Variants in COX18 observed in about 807,000 individuals in gnomAD.
COX18 encodes the protein cytochrome c oxidase assembly protein COX18, mitochondrial.
Under a neutral mutation model 38.0 loss-of-function variants are expected in COX18, and 45 were observed. The observed-to-expected ratio is 1.18, with a 90% CI of 0.93 to 1.52. The LOEUF (loss-of-function observed/expected upper bound fraction) is 1.52. COX18 is among the 40% of genes most tolerant of loss of function. The pLI is 0.00. For missense variants in COX18, 462 were observed against 423.8 expected (o/e 1.09, Z -0.79); for synonymous variants, 177 against 169.8 (o/e 1.04, Z -0.33).
rs1276425684 is a variant in COX18 at position 73,054,233 on chromosome 4, C to A, written c.*3881G>T. ...GCAAGACATCAAGGGGTCTTAAGAG[C>A]ATGCATATTCCCTGTTCTGTAGCCC... is the stretch of plus-strand genomic sequence containing the variant. On this transcript the variant is annotated 3_prime_UTR_variant, in exon 6 of 6. Coordinates refer to ENST00000507544, the MANE Select transcript of COX18 (RefSeq NM_001297732.2). 1 of 152,268 alleles carries A rather than the reference C, an allele frequency of 6.6e-6. No homozygotes were observed. The highest frequency in any genetic ancestry group is 1.5e-5 in the Non-Finnish European group (1 of 68,082). The allele number at this position is 152,268 out of a possible 1,614,324, so 9.4% of individuals were successfully genotyped here. A position where few individuals can be genotyped will look rare whatever the true frequency, so the allele number is the denominator to read the frequency against.
Position 73,069,687 on chromosome 4 carries a change from A to T in COX18, c.-38T>A. 1 of 1,528,936 alleles carries T rather than the reference A, an allele frequency of 6.5e-7. No individual in the cohort carries two copies. The highest frequency in any genetic ancestry group is 2.4e-5 in the East Asian group (1 of 40,982). 94.7% of individuals were successfully genotyped at this position (1,528,936 alleles called of 1,614,324 possible). On this transcript the variant is annotated 5_prime_UTR_variant, in exon 1 of 6. It introduces an in-frame stop codon into an upstream open reading frame of the 5' UTR. Transcript: ENST00000507544. ...GCGGAGCCCAGATCCCGGGCCTCAC[A>T]ATCCAGCGGACATACACCGGCCAGC...
chr4:73,057,895 C>T lies in COX18; in HGVS notation c.*219G>A, dbSNP rs1719971012. ...CCATGTTGGCCAGGCTGGTCTCAAA[C>T]TCCAGACCTCAGGTGATCCACCCAC... is the stretch of plus-strand genomic sequence containing the variant. On this transcript the variant is annotated 3_prime_UTR_variant, in exon 6 of 6. Transcript: ENST00000507544. The T allele has an allele frequency of 3.8e-6, 1 of 264,456 alleles. No homozygotes were observed. Among genetic ancestry groups the T allele is most frequent in the African/African-American group, 2.2e-5 (1 of 44,574 alleles). The allele number at this position is 264,456 out of a possible 1,614,324, so 16.4% of individuals were successfully genotyped here. A position where few individuals can be genotyped will look rare whatever the true frequency, so the allele number is the denominator to read the frequency against.
intron 4 of COX18, among the ~76,000 whole-genome samples, chr4:73,062,556 C>T (rs558622009): frequency 6.6e-6 from 1 of 152,272 alleles, no homozygotes; most frequent in South Asian, 2.1e-4. Context: ...AAGAATTCTG[C>T]GTAAGGCTGG....
At chr4:73,065,577 CAAAT>C (rs1473718637) in intron 2 of COX18, among the ~76,000 whole-genome samples, 164 bp from the exon 3 acceptor site, 2 of 151,972 alleles carry the variant, frequency 1.3e-5, no homozygotes, top group African/African-American at 4.8e-5. Context: ...AAACAACAGG[CAAAT>C]AAAGCCTTTT....
intron 3 of COX18, among the ~76,000 whole-genome samples, 154 bp from the exon 4 acceptor site, chr4:73,065,056 A>G (rs1312722326): frequency 3.9e-5 from 6 of 152,116 alleles, no homozygotes; most frequent in African/African-American, 7.2e-5. Context: ...CACAATATAT[A>G]TATTTTTTCT....
chr4:73,065,017 C>G, intron 3 of COX18, 115 bp from the exon 4 acceptor site: 1 of 1,089,752 alleles, frequency 9.2e-7, no homozygotes. Context: ...CAGGAAAGAT[C>G]TGCACTGGAT....
At chr4:73,069,153 A>AT (rs989329231) in intron 1 of COX18, among the ~76,000 whole-genome samples, 164 bp downstream of exon 1, 8 of 152,102 alleles carry the variant, frequency 5.3e-5, no homozygotes, top group Non-Finnish European at 7.4e-5. Flanking sequence ...TGCTAGTTCA[A>AT]TTTTTTTTAA....
rs754967145 is a variant in COX18 at position 73,064,804 on chromosome 4, C to T, written c.697G>A (p.Gly233Ser). Reference protein sequence around the residue: ...DSTWILPISVGVINLLIVEIC... With the variant: ...DSTWILPISVSVINLLIVEIC... ...TCCACTATTAACAAATTGATGACGCCAACAGAGATAGGCAGAATCCAAGTG... is the reference window on the plus strand; with the variant it reads ...TCCACTATTAACAAATTGATGACGCTAACAGAGATAGGCAGAATCCAAGTG... The change falls in exon 4 of 6, where the codon GGC (glycine) becomes AGC (serine). Residue 233 changes from glycine (G) to serine (S), a missense_variant. Transcript: ENST00000507544. 8.7e-6 allele frequency: 14 copies of T among 1,613,766 alleles called. No individual in the cohort carries two copies. The highest frequency in any genetic ancestry group is 1.2e-5 in the Non-Finnish European group (14 of 1,179,820).
At position 73,057,024 on chromosome 4, in the gene COX18, G is replaced by C. The variant is rs1719913605; in HGVS notation, c.*1090C>G. 1 of 152,430 alleles carries C rather than the reference G, an allele frequency of 6.6e-6. No homozygotes were observed. The highest frequency in any genetic ancestry group is 1.5e-5 in the Non-Finnish European group (1 of 68,328). The allele number at this position is 152,430 out of a possible 1,614,324, so 9.4% of individuals were successfully genotyped here. ...TAGTCCCAGCTACCCAGTAGGCTGA[G>C]GTAGGAGAATTGCTTGAACACGGGA... On this transcript the variant is annotated 3_prime_UTR_variant, in exon 6 of 6. Transcript: ENST00000507544.
At position 73,060,594 on chromosome 4, in the gene COX18, T is replaced by C. The variant is rs1720104651; in HGVS notation, c.831+1219A>G. On this transcript the variant is annotated intron_variant, in intron 5 of 5. Transcript: ENST00000507544. ...CTGTTTTAGATTCCTATAAAAAATA[T>C]TGTGGGCCAGGCATGGTGGCTCACA... is the stretch of plus-strand genomic sequence containing the variant. 5.3e-5 allele frequency among the ~76,000 whole-genome samples: 8 copies of C among 152,108 alleles called. No homozygotes were observed. In the South Asian group the frequency reaches 1.5e-3, roughly 28 times the overall value.
At chr4:73,067,056 T>C (rs1373945204) in intron 2 of COX18, among the ~76,000 whole-genome samples, 2 of 152,176 alleles carry the variant, frequency 1.3e-5, no homozygotes, top group African/African-American at 4.8e-5. Context: ...GCTTGTAAGT[T>C]CCCAGTGAAT....
In COX18 at chr4:73,056,533, C is replaced by G. The variant is rs946643656; in HGVS notation, c.*1581G>C. 6.6e-6 allele frequency: 1 copy of G among 152,152 alleles called. No individual in the cohort carries two copies. The highest frequency in any genetic ancestry group is 2.4e-5 in the African/African-American group (1 of 41,422). The allele number at this position is 152,152 out of a possible 1,614,324, so 9.4% of individuals were successfully genotyped here. ...GTACACTTTTTGTATTCTTTCTGAG[C>G]AGGGCCGGGAGGCAACATCATCTAC... On this transcript the variant is annotated 3_prime_UTR_variant, in exon 6 of 6. Transcript: ENST00000507544.
rs1719795773 is a variant in COX18 at position 73,053,423 on chromosome 4, A to G, written c.*4691T>C. On this transcript the variant is annotated 3_prime_UTR_variant, in exon 6 of 6. Coordinates refer to ENST00000507544, the MANE Select transcript of COX18 (RefSeq NM_001297732.2). ...TGAAACTTACGCGATGTCTGGGAAG[A>G]CTGTAATCCCATAGTACTTAACCAA... The G allele has an allele frequency of 6.6e-6, 1 of 152,140 alleles. No homozygotes were observed. The highest frequency in any genetic ancestry group is 1.5e-5 in the Non-Finnish European group (1 of 68,040). The allele number at this position is 152,140 out of a possible 1,614,324, so 9.4% of individuals were successfully genotyped here.
chr4:73,061,076 ATTTC>A (rs1720131221), intron 5 of COX18, among the ~76,000 whole-genome samples: 4 of 152,090 alleles, frequency 2.6e-5, no homozygotes, highest in Admixed American at 2.6e-4. Flanking sequence ...AAACATAACC[ATTTC>A]TTTTTCTATT....
At position 73,069,476 on chromosome 4, in the gene COX18, C is replaced by T. The variant is rs377697467; in HGVS notation, c.174G>A (p.Leu58=). The T allele has an allele frequency of 1.3e-4, 206 of 1,592,860 alleles. No individual in the cohort carries two copies. Among genetic ancestry groups the T allele is most frequent in the Non-Finnish European group, 1.7e-4 (197 of 1,171,042 alleles). ...AVHANGWYEA[L]AASSPVRVAE... ...CAACCCGCACCGGCGAAGACGCGGC[C>T]AGGGCCTCGTACCAGCCGTTCGCAT... Residue 58 remains leucine, a synonymous_variant, in exon 1 of 6, where the codon CTG becomes CTA. Coordinates refer to ENST00000507544, the MANE Select transcript of COX18 (RefSeq NM_001297732.2).
chr4:73,061,993 A>T (rs2110051907), intron 4 of COX18, 73 bp from the exon 5 acceptor site: 6 of 718,430 alleles, frequency 8.4e-6, no homozygotes, highest in South Asian at 1.8e-5. Flanking sequence ...TTTAAAATAT[A>T]AACTGATTTT....
intron 4 of COX18, among the ~76,000 whole-genome samples, chr4:73,063,114 G>C (rs1231856468): frequency 6.6e-6 from 1 of 152,180 alleles, no homozygotes; most frequent in East Asian, 1.9e-4. Context: ...AGACCAGCCT[G>C]GCCAACATGG....
Position 73,069,630 on chromosome 4 carries a change from C to T in COX18, c.20G>A (p.Gly7Asp). The T allele has an allele frequency of 6.5e-7, 1 of 1,549,312 alleles. No individual in the cohort carries two copies. The highest frequency in any genetic ancestry group is 8.7e-7 in the Non-Finnish European group (1 of 1,152,364). ...GGCAGGGAGCGGCCGCAGCCACCGACCGCCGAGCCGGCACAGCATTTCTGC... is the reference window on the plus strand; with the variant it reads ...GGCAGGGAGCGGCCGCAGCCACCGATCGCCGAGCCGGCACAGCATTTCTGC... MLCRLG[G>D]RWLRPLPALQ... Residue 7 changes from glycine (G) to aspartate (D), a missense_variant, in exon 1 of 6, where the codon GGT becomes GAT. Coordinates refer to ENST00000507544, the MANE Select transcript of COX18 (RefSeq NM_001297732.2).
At position 73,058,080 on chromosome 4, in the gene COX18, T is replaced by G. The variant is rs776411790; in HGVS notation, c.*34A>C. 2.9e-6 allele frequency: 4 copies of G among 1,402,286 alleles called. No individual in the cohort carries two copies. The highest frequency in any genetic ancestry group is 2.0e-6 in the Non-Finnish European group (2 of 1,009,682). 86.9% of individuals were successfully genotyped at this position (1,402,286 alleles called of 1,614,324 possible). ...CTAAATACATTTAGATGATAGTGAC[T>G]CCTGCAACTGTTTCAAAATTATTGG... On this transcript the variant is annotated 3_prime_UTR_variant, in exon 6 of 6. Transcript: ENST00000507544.
Sources: gnomAD v4.1 joint callset for allele counts (sites outside exome capture counted in the v4.1 genomes callset) on GRCh38, gnomAD v4.1.1 for gene constraint, MANE v1.5 for transcripts, NCBI Gene and HGNC (gene_info 2026-07-23, HGNC 2026-07-21) for gene names.